NRAP: variants seen among roughly 807,000 people sequenced by gnomAD.
NRAP encodes nebulin-related-anchoring protein.
Under a neutral mutation model 225.9 loss-of-function variants are expected in NRAP, and 189 were observed. That is an observed-to-expected ratio of 0.84 (90% CI 0.74 to 0.94). The LOEUF (loss-of-function observed/expected upper bound fraction) is 0.94, where lower values mean the gene tolerates loss of function less well. NRAP is among the 40% of genes least tolerant of loss of function. The probability of loss-of-function intolerance (pLI) is 0.00; values close to 1 mark genes in which losing one functional copy is unlikely to be tolerated. For missense variants in NRAP, 2,176 were observed against 2,168.7 expected, an observed-to-expected ratio of 1.00 and a Z score of -0.07; for synonymous variants, 769 against 790.7, an observed-to-expected ratio of 0.97 and a Z score of 0.46.
In NRAP at chr10:113,614,944, C is replaced by T. The variant is rs372300454; in HGVS notation, c.3081G>A (p.Thr1027=). The T allele has an allele frequency of 2.8e-5, 44 of 1,580,632 alleles. No individual in the cohort carries two copies. Among genetic ancestry groups the T allele is most frequent in the African/African-American group, 8.1e-5 (6 of 74,300 alleles). ...AKLNAMNISE[T]RYKESWSKLR... ...GTTTGCTCCAGGATTCCTTATAACGCGTCTGTCGGGAAGATGTGCACAAGG... is the reference window on the plus strand; with the variant it reads ...GTTTGCTCCAGGATTCCTTATAACGTGTCTGTCGGGAAGATGTGCACAAGG... Residue 1027 remains threonine, a splice_region_variant and synonymous_variant, in exon 28 of 42, where the codon ACG becomes ACA. Coordinates refer to ENST00000359988, the MANE Select transcript of NRAP (RefSeq NM_198060.4).
At chr10:113,616,657 C>G (rs1353673990) in intron 26 of NRAP, among the ~76,000 whole-genome samples, 1 of 152,134 alleles carries the variant, frequency 6.6e-6, no homozygotes, top group African/African-American at 2.4e-5. Flanking sequence ...TCAAATAAAG[C>G]GCAACCAGAA....
intron 37 of NRAP, among the ~76,000 whole-genome samples, chr10:113,596,051 G>A (rs778702166): frequency 4.6e-5 from 7 of 152,072 alleles, no homozygotes; most frequent in Non-Finnish European, 7.4e-5. Context: ...ATATTTCAGA[G>A]AATCTTTGCA....
In NRAP at chr10:113,589,592, T is replaced by C. The variant is rs991746787; in HGVS notation, c.5088+74A>G. 3 of 1,543,334 alleles carry C rather than the reference T, an allele frequency of 1.9e-6. No homozygotes were observed. The African/African-American group carries it at 4.2e-5, about 21-fold the overall frequency. ...GCTGACCTTTGGCCAAAAATAAACTTTGAAAAGAAACAATGAGTTTGTCTT... is the reference window on the plus strand; with the variant it reads ...GCTGACCTTTGGCCAAAAATAAACTCTGAAAAGAAACAATGAGTTTGTCTT... On this transcript the variant is annotated intron_variant, in intron 41 of 41. Coordinates refer to ENST00000359988, the MANE Select transcript of NRAP (RefSeq NM_198060.4).
chr10:113,606,270 C>T lies in NRAP; in HGVS notation c.3715G>A (p.Ala1239Thr). 6.2e-7 allele frequency: 1 copy of T among 1,612,694 alleles called. No homozygotes were observed. Among genetic ancestry groups the T allele is most frequent in the Non-Finnish European group, 8.5e-7 (1 of 1,178,690 alleles). ...TCGTGTCTTGCATCCTCTCCAGCTG[C>T]TTTATAGAGGCGCTAGGCCAAAAAA... ...NQITNERLYK[A>T]AGEDARHEYT... The change falls in exon 33 of 42, where the codon GCA becomes ACA. Residue 1239 changes from alanine to threonine, a missense_variant. This residue lies in a region of NRAP where 1,708 missense variants were observed against 1,695.5 expected (regional missense o/e 1.01). Coordinates refer to ENST00000359988, the MANE Select transcript of NRAP (RefSeq NM_198060.4).
chr10:113,619,388 A>G (rs1487339252), intron 25 of NRAP, among the ~76,000 whole-genome samples: 3 of 152,172 alleles, frequency 2.0e-5, no homozygotes, highest in African/African-American at 7.2e-5. Context: ...AACAAATTAT[A>G]GCAGTGCTAT....
Position 113,662,533 on chromosome 10 carries a change from C to A in NRAP, c.255+146G>T, listed in dbSNP as rs143831387. The A allele has an allele frequency of 3.3e-4, 210 of 627,130 alleles. No homozygotes were observed. The African/African-American group carries it at 3.7e-3, about 11-fold the overall frequency. The allele number at this position is 627,130 out of a possible 1,614,324, so 38.8% of individuals were successfully genotyped here. Reference sequence around the variant, plus strand: ...TAACTCCCAAGCTCAAACCATCTGCCCGCTTTGGCCTCCCAAAGTGTTGGA... The same window carrying A: ...TAACTCCCAAGCTCAAACCATCTGCACGCTTTGGCCTCCCAAAGTGTTGGA... On this transcript the variant is annotated intron_variant, in intron 3 of 41. Coordinates refer to ENST00000359988, the MANE Select transcript of NRAP (RefSeq NM_198060.4).
At chr10:113,615,227 A>G (rs1428892716) in intron 27 of NRAP, among the ~76,000 whole-genome samples, 3 of 152,192 alleles carry the variant, frequency 2.0e-5, no homozygotes, top group African/African-American at 2.4e-5. Flanking sequence ...AGTTTTTCTA[A>G]GCAGCAATTT....
intron 35 of NRAP, among the ~76,000 whole-genome samples, chr10:113,603,430 C>G (rs1055304547): frequency 6.6e-6 from 1 of 152,044 alleles, no homozygotes; most frequent in Non-Finnish European, 1.5e-5. Context: ...TCTGAGCTCC[C>G]CCCAAGAGAG....
chr10:113,618,123 TCA>T (rs910236519), intron 25 of NRAP, among the ~76,000 whole-genome samples: 3 of 147,214 alleles, frequency 2.0e-5, no homozygotes, highest in Non-Finnish European at 4.5e-5. Flanking sequence ...AAAGGAGTCA[TCA>T]CACAGTTTGA....
intron 24 of NRAP, among the ~76,000 whole-genome samples, chr10:113,621,058 C>A (rs113420981): frequency 1.3e-5 from 2 of 152,126 alleles, no homozygotes; most frequent in Admixed American, 1.3e-4. Context: ...AAATGACACA[C>A]GGGGGACAAG....
intron 38 of NRAP, among the ~76,000 whole-genome samples, chr10:113,593,335 G>A (rs2133830634): frequency 6.6e-6 from 1 of 152,260 alleles, no homozygotes; most frequent in East Asian, 1.9e-4. Flanking sequence ...AAGGAGGAGT[G>A]GCAGATGAAA....
At chr10:113,611,428 C>G (rs1226308583) in intron 30 of NRAP, among the ~76,000 whole-genome samples, 1 of 152,170 alleles carries the variant, frequency 6.6e-6, no homozygotes, top group Non-Finnish European at 1.5e-5. Context: ...AATCTCATAG[C>G]ATGGAAACCT....
In NRAP at chr10:113,608,413, C is replaced by T. The variant is rs368149034; in HGVS notation, c.3702+1G>A. On this transcript the variant is annotated splice_donor_variant, in intron 32 of 41. Transcript: ENST00000359988. LOFTEE classifies it high-confidence loss of function. The stretch of plus-strand genomic sequence containing the variant: ...ATTCCAAAGCCATCAGGAGATTTTA[C>T]CTCATTCGTTATCTGGTTGCTGAAT... 1.3e-6 allele frequency: 2 copies of T among 1,593,758 alleles called. No homozygotes were observed. The highest frequency in any genetic ancestry group is 1.7e-6 in the Non-Finnish European group (2 of 1,162,448).
At chr10:113,599,586 T>A (rs1450082201) in intron 35 of NRAP, among the ~76,000 whole-genome samples, 1 of 152,196 alleles carries the variant, frequency 6.6e-6, no homozygotes, top group African/African-American at 2.4e-5. Context: ...GAAAGCAAGA[T>A]GCAGGTTCCC....
intron 3 of NRAP, among the ~76,000 whole-genome samples, chr10:113,662,348 C>T (rs961956188): frequency 6.6e-6 from 1 of 152,084 alleles, no homozygotes; most frequent in Non-Finnish European, 1.5e-5. Context: ...GAGTATTTAT[C>T]ATTTCTATTC....
At chr10:113,652,170 G>A (rs932046183) in intron 6 of NRAP, among the ~76,000 whole-genome samples, 3 of 33,318 alleles carry the variant, frequency 9.0e-5, no homozygotes, top group African/African-American at 1.1e-4. Context: ...CAGGACTAAT[G>A]TTTTCCTCAC....
chr10:113,640,398 T>C (rs1849134502), intron 13 of NRAP, 67 bp from the exon 14 acceptor site: 2 of 875,628 alleles, frequency 2.3e-6, no homozygotes, highest in South Asian at 3.3e-5. Context: ...TTTGTTTGAA[T>C]GCCATAAGAA....
rs764119802 is a variant in NRAP at position 113,620,718 on chromosome 10, G to GA, written c.2770-11dup. ...CTGCCCTGTATTGGTTCTGACAAAGGAGAAAGAAAAAAAAAAAAAGCAGGC... is the reference window on the plus strand; with the variant it reads ...CTGCCCTGTATTGGTTCTGACAAAGGAAGAAAGAAAAAAAAAAAAAGCAGGC... On this transcript the variant is annotated splice_polypyrimidine_tract_variant and intron_variant, in intron 24 of 41. Transcript: ENST00000359988. The GA allele has an allele frequency of 5.1e-6, 8 of 1,555,234 alleles. No homozygotes were observed. The highest frequency in any genetic ancestry group is 1.7e-4 in the Middle Eastern group (1 of 5,726).
chr10:113,622,681 T>C (rs967406962), intron 23 of NRAP, among the ~76,000 whole-genome samples: 11 of 152,322 alleles, frequency 7.2e-5, no homozygotes, highest in African/African-American at 2.6e-4. Flanking sequence ...CTCTGGCCAG[T>C]GGTAGATTCC....
Sources: allele counts gnomAD v4.1 joint callset (sites outside exome capture counted in the v4.1 genomes callset), GRCh38; gene constraint gnomAD v4.1.1; regional missense constraint gnomAD v4.1.1; transcripts MANE v1.5; gene names NCBI Gene and HGNC (gene_info 2026-07-23, HGNC 2026-07-21).